The following NBEAL2 variants were observed in gnomAD, a reference collection of about 807,000 sequenced individuals.
NBEAL2 encodes neurobeachin like 2, also known as neurobeachin-like protein 2.
Under a neutral mutation model 299.8 loss-of-function variants are expected in NBEAL2, and 160 were observed. The ratio of observed to expected loss-of-function variants is 0.53; its 90% CI spans 0.47 to 0.61. NBEAL2 has a LOEUF of 0.61. Ranked by LOEUF, NBEAL2 falls within the 20% of genes least tolerant of loss-of-function variation. The pLI, the probability that NBEAL2 is intolerant of heterozygous loss-of-function variation, is 0.00. For synonymous variants in NBEAL2, 1,493 were observed against 1,542.3 expected (o/e 0.97, Z 0.75); for missense variants, 3,112 against 3,649.0 (o/e 0.85, Z 3.79).
chr3:47,007,352 T>C lies in NBEAL2; in HGVS notation c.7334+2T>C. 2 of 1,602,176 alleles carry C rather than the reference T, an allele frequency of 1.2e-6. No individual in the cohort carries two copies. The highest frequency in any genetic ancestry group is 1.7e-6 in the Non-Finnish European group (2 of 1,174,344). ...AGACCCCACCATGGGCAGCCACAAG[T>C]AGGACAGAGGGCTGTGGGTGGGGTG... On this transcript the variant is annotated splice_donor_variant, in intron 47 of 53. Coordinates refer to ENST00000450053, the MANE Select transcript of NBEAL2 (RefSeq NM_015175.3). LOFTEE classifies it high-confidence loss of function.
intron 45 of NBEAL2, 129 bp from the exon 46 acceptor site, chr3:47,006,937 C>T (rs557085767): frequency 2.7e-6 from 2 of 729,772 alleles, no homozygotes; most frequent in South Asian, 3.8e-5. Context: ...TGGAGGGAAC[C>T]TCTGCATCTG....
At position 46,995,542 on chromosome 3, in the gene NBEAL2, T is replaced by A; in HGVS notation, c.1807T>A (p.Phe603Ile). The A allele has an allele frequency of 6.2e-7, 1 of 1,612,826 alleles. No homozygotes were observed. The highest frequency in any genetic ancestry group is 8.5e-7 in the Non-Finnish European group (1 of 1,179,876). The change falls in exon 13 of 54, where the codon TTC becomes ATC. Residue 603 changes from phenylalanine to isoleucine, a missense_variant. Transcript: ENST00000450053. ...TGTACAGCGATGGCCAGGGCCTGGC[T>A]TCACCTTTCATGCCTGGCTCTGTCT... ...PPVQRWPGPG[F>I]TFHAWLCLHP...
Position 46,999,102 on chromosome 3 carries a change from C to G in NBEAL2, c.3528C>G (p.Pro1176=). 3 of 1,582,790 alleles carry G rather than the reference C, an allele frequency of 1.9e-6. No homozygotes were observed. Among genetic ancestry groups the G allele is most frequent in the South Asian group, 1.2e-5 (1 of 86,430 alleles). ...LVRPGSLPLL[P]DRVCKILRRL... ...GGCCAGGGTCACTGCCCCTGCTGCC[C>G]GATCGAGTCTGCAAGGTACACCCAG... Residue 1176 remains proline, a synonymous_variant, in exon 24 of 54, where the codon CCC becomes CCG. Coordinates refer to ENST00000450053, the MANE Select transcript of NBEAL2 (RefSeq NM_015175.3).
Position 47,000,058 on chromosome 3 carries a change from C to T in NBEAL2, c.3959C>T (p.Pro1320Leu), listed in dbSNP as rs2036850941. The change falls in exon 27 of 54, where the codon CCA (proline) becomes CTA (leucine). Residue 1320 changes from proline (P) to leucine (L), a missense_variant. Pro to Leu is a moderately conservative substitution (Grantham distance 98). This residue lies in a region of NBEAL2 where 2,243 missense variants were observed against 2,538.1 expected (regional missense o/e 0.88). Coordinates refer to ENST00000450053, the MANE Select transcript of NBEAL2 (RefSeq NM_015175.3). The surrounding 1 kb of genome is among the most constrained non-coding windows in gnomAD (Gnocchi z 4.5). ...PTSPKPAPPK[P>L]PTESPAEPSD... Reference sequence around the variant, plus strand: ...TCCCCCAAGCCAGCCCCACCCAAGCCACCCACTGAGTCACCTGCTGAGCCT... The same window carrying T: ...TCCCCCAAGCCAGCCCCACCCAAGCTACCCACTGAGTCACCTGCTGAGCCT... The T allele has an allele frequency of 1.9e-6, 3 of 1,613,456 alleles. No individual in the cohort carries two copies. Among genetic ancestry groups the T allele is most frequent in the Non-Finnish European group, 2.5e-6 (3 of 1,179,862 alleles).
rs2035786158 is a variant in NBEAL2 at position 46,987,925 on chromosome 3, C to T, written c.52-744C>T. ...CGGTCTGCCGGGAGGAAGCGGTCCC[C>T]CTCCCCCACCGTGACTCTGCGCTTC... On this transcript the variant is annotated intron_variant, in intron 1 of 53. Transcript: ENST00000450053. 26 of 1,166,924 alleles carry T rather than the reference C, an allele frequency of 2.2e-5. 1 individual carries two copies. In the South Asian group the frequency reaches 3.3e-4, roughly 15 times the overall value. 72.3% of individuals were successfully genotyped at this position (1,166,924 alleles called of 1,614,324 possible).
At chr3:46,998,694 G>C in intron 22 of NBEAL2, 23 bp from the exon 23 acceptor site, 1 of 1,563,202 alleles carries the variant, frequency 6.4e-7, no homozygotes, top group Non-Finnish European at 8.7e-7. Context: ...GGACCTGGCT[G>C]GGTGTGCCTA....
At chr3:47,006,925 C>G (rs1194451127) in intron 45 of NBEAL2, 141 bp from the exon 46 acceptor site, 1 of 675,754 alleles carries the variant, frequency 1.5e-6, no homozygotes, top group East Asian at 2.7e-5. Context: ...CTGCCTGTTT[C>G]TTGGAGGGAA....
In NBEAL2 at chr3:46,991,623, A is replaced by C. The variant is rs200666191; in HGVS notation, c.860A>C (p.Asp287Ala). Residue 287 changes from aspartate to alanine, a missense_variant, in exon 8 of 54, where the codon GAC (aspartate) becomes GCC (alanine). Physicochemically the swap from Asp to Ala is moderately radical, Grantham distance 126. This residue lies in a region of NBEAL2 where 2,243 missense variants were observed against 2,538.1 expected (regional missense o/e 0.88). Coordinates refer to ENST00000450053, the MANE Select transcript of NBEAL2 (RefSeq NM_015175.3). The surrounding 1 kb of genome is among the most constrained non-coding windows in gnomAD (Gnocchi z 6.2). ...LESYFHVLNA[D>A]WPAGLSSGPE... is the part of the protein sequence containing the mutation. ...AGCTACTTCCATGTCCTTAATGCTG[A>C]CTGGCCAGCTGGTCTGAGCTCAGGC... 3.6e-4 allele frequency: 580 copies of C among 1,599,878 alleles called. 5 individuals carry two copies. In the Admixed American group the frequency reaches 9.6e-3, roughly 26 times the overall value.
At position 47,002,804 on chromosome 3, in the gene NBEAL2, TG is replaced by T; in HGVS notation, c.5459+5del. The T allele has an allele frequency of 7.9e-7, 1 of 1,267,032 alleles. No individual in the cohort carries two copies. Among genetic ancestry groups the T allele is most frequent in the Non-Finnish European group, 1.0e-6 (1 of 975,034 alleles). 78.5% of individuals were successfully genotyped at this position (1,267,032 alleles called of 1,614,324 possible). A position where few individuals can be genotyped will look rare whatever the true frequency, so the allele number is the denominator to read the frequency against. On this transcript the variant is annotated splice_donor_region_variant and intron_variant, in intron 33 of 53. Coordinates refer to ENST00000450053, the MANE Select transcript of NBEAL2 (RefSeq NM_015175.3). ...CCCATGTGGGGCCTGGGCGCTGAGG[TG>T]GGCCGGGCTTGGGGCAGGGTCGCTG... is the stretch of plus-strand genomic sequence containing the variant.
chr3:47,001,758 G>A lies in NBEAL2; in HGVS notation c.4714G>A (p.Asp1572Asn). 6.2e-7 allele frequency: 1 copy of A among 1,613,962 alleles called. No homozygotes were observed. The highest frequency in any genetic ancestry group is 8.5e-7 in the Non-Finnish European group (1 of 1,179,910). The change falls in exon 30 of 54, where the codon GAT (aspartate) becomes AAT (asparagine). Residue 1572 changes from aspartate (D) to asparagine (N), a missense_variant. Around this residue, in one of 3 missense-constraint regions of NBEAL2, gnomAD observed 2,243 missense variants for 2,538.1 expected, o/e 0.88. Transcript: ENST00000450053. The surrounding 1 kb of genome is among the most constrained non-coding windows in gnomAD (Gnocchi z 6.1). Reference protein sequence around the residue: ...AWPHLANGTADLREMAQIGLR... With the variant: ...AWPHLANGTANLREMAQIGLR... ...GCCCCACCTGGCCAACGGCACAGCT[G>A]ATCTCCGTGAGATGGCGCAGATTGG...
chr3:47,001,348 C>T lies in NBEAL2; in HGVS notation c.4554C>T (p.Ser1518=). Residue 1518 remains serine, a synonymous_variant, in exon 29 of 54, where the codon AGC becomes AGT. Transcript: ENST00000450053. The surrounding 1 kb of genome is among the most constrained non-coding windows in gnomAD (Gnocchi z 6.1). ...AGGCCCCCGTGGGGGTCCTGGCCAGCCTCACCCAGCAAGCGCTTTGGCTGC... is the reference window on the plus strand; with the variant it reads ...AGGCCCCCGTGGGGGTCCTGGCCAGTCTCACCCAGCAAGCGCTTTGGCTGC... ...IKEAPVGVLA[S]LTQQALWLLR... 1 of 1,613,234 alleles carries T rather than the reference C, an allele frequency of 6.2e-7. No individual in the cohort carries two copies. Among genetic ancestry groups the T allele is most frequent in the Non-Finnish European group, 8.5e-7 (1 of 1,179,830 alleles).
chr3:46,996,437 T>C lies in NBEAL2; in HGVS notation c.2318T>C (p.Val773Ala). 6.2e-7 allele frequency: 1 copy of C among 1,608,616 alleles called. No individual in the cohort carries two copies. The highest frequency in any genetic ancestry group is 8.5e-7 in the Non-Finnish European group (1 of 1,177,774). ...STGLGWGSGLVAPLQEGSIDS... is the reference protein window; with the variant it reads ...STGLGWGSGLAAPLQEGSIDS... ...GGGCTTGGCTGGGGGTCCGGGCTGG[T>C]GGCCCCCCTGCAGGAGGGCAGCATC... Residue 773 changes from valine to alanine, a missense_variant, in exon 16 of 54, where the codon GTG becomes GCG. By Grantham distance (64) the Val-to-Ala change is moderately conservative (BLOSUM62 0). Around this residue, in one of 3 missense-constraint regions of NBEAL2, gnomAD observed 2,243 missense variants for 2,538.1 expected, o/e 0.88. Transcript: ENST00000450053.
At chr3:47,007,006 G>T (rs2037492961) in intron 45 of NBEAL2, 60 bp from the exon 46 acceptor site, 3 of 1,338,292 alleles carry the variant, frequency 2.2e-6, no homozygotes, top group Non-Finnish European at 3.1e-6. Context: ...ATGCTTCAGG[G>T]AGCAGATAGT....
rs1377709367 is a variant in NBEAL2 at position 47,003,743 on chromosome 3, C to G, written c.5721-73C>G. 3 of 1,490,880 alleles carry G rather than the reference C, an allele frequency of 2.0e-6. No individual in the cohort carries two copies. In the East Asian group the frequency reaches 7.4e-5, roughly 37 times the overall value. The allele number at this position is 1,490,880 out of a possible 1,614,324, so 92.4% of individuals were successfully genotyped here. ...GTATATACCCCATGACTCAATGGCA[C>G]TTGGATGCCCTTTGGGCTTGTGAAG... On this transcript the variant is annotated intron_variant, in intron 35 of 53. Transcript: ENST00000450053. The surrounding 1 kb of genome is among the most constrained non-coding windows in gnomAD (Gnocchi z 7.0).
rs368027717 is a variant in NBEAL2 at position 47,007,770 on chromosome 3, G to A, written c.7508-46G>A. 3.3e-4 allele frequency: 536 copies of A among 1,608,364 alleles called. 3 individuals are homozygous for A. The highest frequency in any genetic ancestry group is 1.7e-3 in the Middle Eastern group (10 of 6,058). The stretch of plus-strand genomic sequence containing the variant: ...GCCGGGTTCTGAGGCTGGCCAGGGC[G>A]GATGTGACTCCTCCGTTCTGCCTGT... On this transcript the variant is annotated intron_variant, in intron 48 of 53. Transcript: ENST00000450053.
intron 20 of NBEAL2, 88 bp from the exon 21 acceptor site, chr3:46,997,979 G>A (rs1202311352): frequency 2.8e-5 from 40 of 1,437,052 alleles, no homozygotes; most frequent in Non-Finnish European, 3.5e-5. Context: ...TGGCCGTCAT[G>A]GCTGTGCAGG....
rs1232747900 is a variant in NBEAL2 at position 47,009,031 on chromosome 3, C to T, written c.8070C>T (p.Ile2690=). The change falls in exon 53 of 54, where the codon ATC becomes ATT. Residue 2690 remains isoleucine (I), a synonymous_variant. Coordinates refer to ENST00000450053, the MANE Select transcript of NBEAL2 (RefSeq NM_015175.3). ...AAPPLPMKVA[I]RSVAVTKERS... Reference sequence around the variant, plus strand: ...CTCCCTTGCCCATGAAGGTGGCCATCCGCAGCGTGGCCGTGACCAAGGAGC... The same window carrying T: ...CTCCCTTGCCCATGAAGGTGGCCATTCGCAGCGTGGCCGTGACCAAGGAGC... The T allele has an allele frequency of 6.2e-7, 1 of 1,601,078 alleles. No homozygotes were observed. The highest frequency in any genetic ancestry group is 8.5e-7 in the Non-Finnish European group (1 of 1,179,818).
Position 46,997,288 on chromosome 3 carries a change from T to C in NBEAL2, c.2679T>C (p.Gly893=). Residue 893 remains glycine, a synonymous_variant, in exon 19 of 54, where the codon GGT becomes GGC. Transcript: ENST00000450053. ...TGGTGAACTGCGTTGGGGGTATGGG[T>C]GCCCTGCTGCCCCTGCTGGAGCGAG... ...KDVVNCVGGM[G]ALLPLLERVA... 6.2e-7 allele frequency: 1 copy of C among 1,612,780 alleles called. No homozygotes were observed. Among genetic ancestry groups the C allele is most frequent in the Non-Finnish European group, 8.5e-7 (1 of 1,179,814 alleles).
At position 47,002,423 on chromosome 3, in the gene NBEAL2, A is replaced by G. The variant is rs765166406; in HGVS notation, c.5204A>G (p.Asp1735Gly). The G allele has an allele frequency of 3.2e-5, 52 of 1,613,390 alleles. No homozygotes were observed. Among genetic ancestry groups the G allele is most frequent in the Non-Finnish European group, 4.2e-5 (49 of 1,179,902 alleles). The change falls in exon 32 of 54, where the codon GAC becomes GGC. Residue 1735 changes from aspartate to glycine, a missense_variant. Asp to Gly is a moderately conservative substitution (Grantham distance 94). Coordinates refer to ENST00000450053, the MANE Select transcript of NBEAL2 (RefSeq NM_015175.3). Reference protein sequence around the residue: ...FEMDTYAKSHDLMSGFWNACY... With the variant: ...FEMDTYAKSHGLMSGFWNACY... ...ATGGACACGTATGCTAAGAGCCACG[A>G]CCTTATGTCAGGTTTCTGGAATGCC...
Sources: gnomAD v4.1 joint callset for allele counts on GRCh38, gnomAD v4.1.1 for gene constraint, gnomAD v4.1.1 regional missense constraint, Gnocchi (gnomAD v3.1) non-coding constraint, MANE v1.5 for transcripts, NCBI Gene and HGNC (gene_info 2026-07-23, HGNC 2026-07-21) for gene names.